Variants in NXPE2 observed in about 807,000 individuals in gnomAD.
NXPE2 encodes the protein NXPE family member 2.
In NXPE2, 34 loss-of-function variants were observed where a neutral mutation model predicts 34.4. The observed-to-expected ratio is 0.99, with a 90% confidence interval of 0.75 to 1.31. The LOEUF (loss-of-function observed/expected upper bound fraction) is 1.31. Among genes scored for constraint, NXPE2 ranks in the 40% most tolerant of loss-of-function variants. NXPE2 has a pLI of 0.00. For synonymous variants in NXPE2, 235 were observed against 231.3 expected (o/e 1.02, Z -0.15); for missense variants, 649 against 672.5 (o/e 0.97, Z 0.39).
At chr11:114,645,780 A>C in the NXPE2 span, among the ~76,000 whole-genome samples, 6 of 152,304 alleles carry the variant, frequency 3.9e-5, no homozygotes, top group East Asian at 1.2e-3. Context: ...CAATGTTACT[A>C]ATTATAAAAT....
intron 2 of NXPE2, among the ~76,000 whole-genome samples, chr11:114,696,340 C>CAAAAAAAA (rs773266644): frequency 0.011 from 682 of 64,496 alleles, 2 homozygotes; most frequent in Middle Eastern, 0.019. Flanking sequence ...TCAAAAAAAC[C>CAAAAAAAA]AAAAAAAAAA....
the NXPE2 span, among the ~76,000 whole-genome samples, chr11:114,751,518 G>T: frequency 1.3e-5 from 2 of 152,042 alleles, no homozygotes; most frequent in Non-Finnish European, 2.9e-5. Flanking sequence ...TTTTTAATGG[G>T]CTGGACAGAC....
the NXPE2 span, among the ~76,000 whole-genome samples, chr11:114,725,993 A>ATATATATATATATATATATAT: frequency 3.9e-5 from 5 of 127,370 alleles, no homozygotes; most frequent in East Asian, 2.5e-4. Context: ...ATATATATAT[A>ATATATATATATATATATATAT]AAAAGAAAAA....
At chr11:114,506,559 G>T in the NXPE2 span, among the ~76,000 whole-genome samples, 1 of 152,140 alleles carries the variant, frequency 6.6e-6, no homozygotes, top group African/African-American at 2.4e-5. Flanking sequence ...AATCAAATTA[G>T]AAATCAAGAC....
the NXPE2 span, among the ~76,000 whole-genome samples, chr11:114,629,626 T>A: frequency 2.6e-5 from 4 of 152,102 alleles, no homozygotes; most frequent in East Asian, 7.7e-4. Flanking sequence ...AGGGATGCCC[T>A]CTCTCACCAC....
chr11:114,466,860 G>A, the NXPE2 span, among the ~76,000 whole-genome samples: 1 of 152,074 alleles, frequency 6.6e-6, no homozygotes, highest in Non-Finnish European at 1.5e-5. Context: ...ATTGCAGGGG[G>A]AAGATGGTCA....
At chr11:114,621,195 T>A in the NXPE2 span, among the ~76,000 whole-genome samples, 2 of 152,304 alleles carry the variant, frequency 1.3e-5, no homozygotes, top group Admixed American at 6.5e-5. Context: ...GTAACCACTG[T>A]TACCTGGTGG....
At chr11:114,719,779 G>A in the NXPE2 span, among the ~76,000 whole-genome samples, 2 of 152,242 alleles carry the variant, frequency 1.3e-5, no homozygotes, top group African/African-American at 4.8e-5. Context: ...GGAGCCTTGA[G>A]AGGTGAGTGG....
At chr11:114,604,246 T>G in the NXPE2 span, among the ~76,000 whole-genome samples, 3 of 152,050 alleles carry the variant, frequency 2.0e-5, no homozygotes, top group African/African-American at 7.2e-5. Context: ...TAATAAGTGT[T>G]GACTCTTGGG....
At chr11:114,752,860 C>T in the NXPE2 span, among the ~76,000 whole-genome samples, 1 of 152,090 alleles carries the variant, frequency 6.6e-6, no homozygotes, top group African/African-American at 2.4e-5. Context: ...CTTGGAGGTA[C>T]ACATTTACGA....
At chr11:114,755,583 C>G in the NXPE2 span, among the ~76,000 whole-genome samples, 5 of 152,304 alleles carry the variant, frequency 3.3e-5, no homozygotes, top group African/African-American at 9.6e-5. Context: ...GTTTTGCAGA[C>G]AGCTTGCTTA....
intron 2 of NXPE2, among the ~76,000 whole-genome samples, chr11:114,680,146 A>G (rs1950924140): frequency 6.6e-6 from 1 of 152,070 alleles, no homozygotes; most frequent in Non-Finnish European, 1.5e-5. Flanking sequence ...TAAGTAGTTT[A>G]GTGTCTCCTG....
chr11:114,558,907 G>T, the NXPE2 span, among the ~76,000 whole-genome samples: 1 of 152,156 alleles, frequency 6.6e-6, no homozygotes, highest in East Asian at 1.9e-4. Flanking sequence ...ATGTATAGCT[G>T]TAATTGTAGG....
chr11:114,736,723 G>A, the NXPE2 span, among the ~76,000 whole-genome samples: 3 of 152,270 alleles, frequency 2.0e-5, no homozygotes, highest in Middle Eastern at 3.4e-3. Flanking sequence ...TATTGATTGG[G>A]GAAGTGATAA....
At chr11:114,773,643 T>TTA in the NXPE2 span, among the ~76,000 whole-genome samples, 1 of 151,774 alleles carries the variant, frequency 6.6e-6, no homozygotes, top group Non-Finnish European at 1.5e-5. Flanking sequence ...TGACTAAACA[T>TTA]TATTTCTGGG....
intron 2 of NXPE2, among the ~76,000 whole-genome samples, chr11:114,680,897 CAAAA>C (rs1950939845): frequency 6.6e-6 from 1 of 152,086 alleles, no homozygotes; most frequent in Non-Finnish European, 1.5e-5. Flanking sequence ...ACTACCAAAA[CAAAA>C]AACACACACA....
chr11:114,706,030 T>A (rs1951466487), intron 5 of NXPE2, 34 bp downstream of exon 5: 1 of 1,030,710 alleles, frequency 9.7e-7, no homozygotes, highest in African/African-American at 1.7e-5. Flanking sequence ...AAATTCTATT[T>A]GACTTTTGAG....
At chr11:114,717,950 T>C in the NXPE2 span, among the ~76,000 whole-genome samples, 1 of 152,192 alleles carries the variant, frequency 6.6e-6, no homozygotes. Flanking sequence ...AGATAGCATG[T>C]CCTGAGCATG....
At chr11:114,798,636 C>A in the NXPE2 span, among the ~76,000 whole-genome samples, 1 of 152,342 alleles carries the variant, frequency 6.6e-6, no homozygotes, top group South Asian at 2.1e-4. Flanking sequence ...CCCGCCTTGG[C>A]CTCCCAAAGT....
Sources: allele counts gnomAD v4.1 joint callset (sites outside exome capture counted in the v4.1 genomes callset), GRCh38; gene constraint gnomAD v4.1.1; transcripts MANE v1.5; gene names NCBI Gene and HGNC (gene_info 2026-07-23, HGNC 2026-07-21).